Variants in GABRG3 observed in about 807,000 individuals in gnomAD.
GABRG3 encodes the protein gamma-aminobutyric acid type A receptor subunit gamma3, also known as gamma-aminobutyric acid receptor subunit gamma-3.
Under a neutral mutation model 48.8 loss-of-function variants are expected in GABRG3, and 25 were observed. The ratio of observed to expected loss-of-function variants is 0.51; its 90% confidence interval spans 0.37 to 0.72. The LOEUF is 0.72. GABRG3 is among the 30% of genes least tolerant of loss of function. The pLI is 0.00. For missense variants in GABRG3, 394 were observed against 577.9 expected, an observed-to-expected ratio of 0.68 and a Z score of 3.26; for synonymous variants, 227 against 217.6, an observed-to-expected ratio of 1.04 and a Z score of -0.38.
intron 3 of GABRG3, among the ~76,000 whole-genome samples, chr15:27,199,697 G>A (rs208137): frequency 0.2 from 29,662 of 151,902 alleles, 2,982 homozygotes; most frequent in East Asian, 0.33. Flanking sequence ...GTTTCCCAAG[G>A]CCTCACCAGA....
At chr15:27,245,307 T>A (rs549435416) in intron 3 of GABRG3, among the ~76,000 whole-genome samples, 1 of 152,314 alleles carries the variant, frequency 6.6e-6, no homozygotes, top group South Asian at 2.1e-4. Context: ...GCCTGCTTTC[T>A]CACTTACAAA....
At chr15:27,286,236 A>G (rs186758010) in intron 3 of GABRG3, among the ~76,000 whole-genome samples, 214 of 152,320 alleles carry the variant, frequency 1.4e-3, no homozygotes, top group African/African-American at 4.9e-3. Context: ...CATGCAGGGC[A>G]CTGTTTGACT....
intron 3 of GABRG3, among the ~76,000 whole-genome samples, chr15:27,085,661 A>G (rs1897063088): frequency 1.3e-5 from 2 of 152,228 alleles, no homozygotes; most frequent in Non-Finnish European, 2.9e-5. Flanking sequence ...CTGGTGATCA[A>G]TAACAAACTT....
intron 5 of GABRG3, among the ~76,000 whole-genome samples, chr15:27,405,990 T>G (rs1887622371): frequency 2.0e-5 from 3 of 152,082 alleles, no homozygotes; most frequent in Admixed American, 2.0e-4. Flanking sequence ...CCAAACACTT[T>G]GAACAACAAA....
rs560199364 is a variant in GABRG3, at chr15:27,191,821, C to T, written c.271-134988C>T. Among the ~76,000 whole-genome samples the T allele has an allele frequency of 6.6e-5, 10 of 151,930 alleles. 1 individual carries two copies. Among genetic ancestry groups the T allele is most frequent in the East Asian group, 5.8e-4 (3 of 5,148 alleles). ...AGTTGATGCAGTTTCTTCCTAGTCT[C>T]GATGGTCTTTACATTTTGGCATGAT... On this transcript the variant is annotated intron_variant, in intron 3 of 9. Coordinates refer to ENST00000615808, the MANE Select transcript of GABRG3 (RefSeq NM_033223.5).
At chr15:27,237,384 T>C (rs1194218116) in intron 3 of GABRG3, among the ~76,000 whole-genome samples, 1 of 152,238 alleles carries the variant, frequency 6.6e-6, no homozygotes, top group African/African-American at 2.4e-5. Flanking sequence ...TCATCCTTCA[T>C]GTTTTTCCAA....
chr15:27,510,360 G>A (rs1890867474), intron 6 of GABRG3, among the ~76,000 whole-genome samples: 1 of 152,138 alleles, frequency 6.6e-6, no homozygotes, highest in Non-Finnish European at 1.5e-5. Context: ...TCTCCCCCAG[G>A]GGTAGTGCTT....
chr15:27,283,136 A>T (rs1420302431), intron 3 of GABRG3, among the ~76,000 whole-genome samples: 3 of 152,158 alleles, frequency 2.0e-5, no homozygotes, highest in Non-Finnish European at 4.4e-5. Flanking sequence ...GGCAAGGTGG[A>T]GGGCTTTTCC....
chr15:27,060,812 A>G (rs1896631539), intron 3 of GABRG3, among the ~76,000 whole-genome samples: 1 of 152,226 alleles, frequency 6.6e-6, no homozygotes, highest in African/African-American at 2.4e-5. Context: ...CATAAAGGGA[A>G]TGATGGCTTT....
chr15:27,123,057 C>G (rs1461885784), intron 3 of GABRG3, among the ~76,000 whole-genome samples: 1 of 152,134 alleles, frequency 6.6e-6, no homozygotes, highest in East Asian at 1.9e-4. Flanking sequence ...CCCTTTCCAT[C>G]TTTTTCTAAG....
chr15:27,356,625 A>G (rs1894852086), intron 5 of GABRG3, among the ~76,000 whole-genome samples: 1 of 152,218 alleles, frequency 6.6e-6, no homozygotes, highest in Non-Finnish European at 1.5e-5. Flanking sequence ...TAAGAAGGAA[A>G]ATAAAGGATC....
chr15:27,145,543 A>G (rs1898182585), intron 3 of GABRG3, among the ~76,000 whole-genome samples: 1 of 151,430 alleles, frequency 6.6e-6, no homozygotes, highest in Admixed American at 6.6e-5. Context: ...AGAAAAGTCA[A>G]CAGTCTCAGA....
chr15:27,489,030 C>T (rs113169934), intron 6 of GABRG3, among the ~76,000 whole-genome samples: 18,879 of 150,356 alleles, frequency 0.13, 1,955 homozygotes, highest in East Asian at 0.5. Context: ...CCTCCCCCAT[C>T]CCCCCACCCC....
At chr15:27,518,889 A>T (rs1414468854) in intron 6 of GABRG3, among the ~76,000 whole-genome samples, 1 of 152,234 alleles carries the variant, frequency 6.6e-6, no homozygotes, top group African/African-American at 2.4e-5. Flanking sequence ...ATTTAGAGCA[A>T]AAAGGACTGG....
At chr15:27,368,734 A>T (rs1895297038) in intron 5 of GABRG3, among the ~76,000 whole-genome samples, 1 of 152,164 alleles carries the variant, frequency 6.6e-6, no homozygotes. Context: ...TCCTTCAATT[A>T]CTGAAAAGGA....
At chr15:27,513,758 C>T (rs1382058) in intron 6 of GABRG3, among the ~76,000 whole-genome samples, 78,162 of 151,780 alleles carry the variant, frequency 0.51, 20,520 homozygotes, top group East Asian at 0.68. Flanking sequence ...AAACAGGACA[C>T]GAGACACATG....
chr15:27,388,091 GAGGAAAGGGAGGGAGGGAAAAGAAGGA>G (rs1207630179), intron 5 of GABRG3, among the ~76,000 whole-genome samples: 11 of 27,400 alleles, frequency 4.0e-4, no homozygotes, highest in African/African-American at 7.8e-4. Context: ...GGAAAGGAGG[GAGGAAAGGGAGGGAGGGAAAAGAAGGA>G]AGGAAGGAAA....
At chr15:27,172,673 G>A (rs536499346) in intron 3 of GABRG3, among the ~76,000 whole-genome samples, 56 of 152,202 alleles carry the variant, frequency 3.7e-4, no homozygotes, top group African/African-American at 1.3e-3. Context: ...ATACATAACG[G>A]CCAACATGCA....
At position 27,069,634 on chromosome 15, in the gene GABRG3, A is replaced by G. The variant is rs79404962; in HGVS notation, c.270+42813A>G. Among the ~76,000 whole-genome samples, 6 of 152,384 alleles carry G rather than the reference A, an allele frequency of 3.9e-5. No homozygotes were observed. The East Asian group carries it at 5.8e-4, about 15-fold the overall frequency. ...AACTAAAATGTTAACTGCCGTTATT[A>G]TAAGAAACAGGATTATTATTTAAAC... On this transcript the variant is annotated intron_variant, in intron 3 of 9. Transcript: ENST00000615808.
Sources: allele counts gnomAD v4.1 joint callset (sites outside exome capture counted in the v4.1 genomes callset), GRCh38; gene constraint gnomAD v4.1.1; transcripts MANE v1.5; gene names NCBI Gene and HGNC (gene_info 2026-07-23, HGNC 2026-07-21).